Variants in FRMPD1 observed in about 807,000 individuals in gnomAD.
FRMPD1 encodes the protein FERM and PDZ domain-containing protein 1.
A neutral mutation model predicts 117.8 loss-of-function variants in FRMPD1; 76 were observed. That is an observed-to-expected ratio of 0.65 (90% CI 0.54 to 0.78). The LOEUF (loss-of-function observed/expected upper bound fraction) is 0.78, where lower values mean the gene tolerates loss of function less well. FRMPD1 is among the 30% of genes least tolerant of loss of function. The pLI is 0.00. For missense variants in FRMPD1, 1,786 were observed against 1,964.5 expected (o/e 0.91, Z 1.72); for synonymous variants, 783 against 770.4 (o/e 1.02, Z -0.27).
the FRMPD1 span, among the ~76,000 whole-genome samples, chr9:37,638,006 T>TTCTCTCTC: frequency 4.0e-5 from 5 of 125,928 alleles, no homozygotes; most frequent in Admixed American, 8.6e-5. Context: ...CTTTCTTTCT[T>TTCTCTCTC]TCTTTCTTTC....
Position 37,745,337 on chromosome 9 carries a change from A to G in FRMPD1, c.3305A>G (p.Glu1102Gly). The G allele has an allele frequency of 1.2e-6, 2 of 1,613,124 alleles. No homozygotes were observed. The highest frequency in any genetic ancestry group is 1.7e-6 in the Non-Finnish European group (2 of 1,179,030). Residue 1102 changes from glutamate to glycine, a missense_variant, in exon 16 of 16, where the codon GAA (glutamate) becomes GGA (glycine). Transcript: ENST00000377765. ...AAGATAGCTTCTATCCCTACAAAGG[A>G]AGAGCCACAAGGACAACTATCTCTG... ...GEKIASIPTK[E>G]EPQGQLSLER...
intron 13 of FRMPD1, 83 bp from the exon 14 acceptor site, chr9:37,737,013 G>A (rs528950265): frequency 1.2e-4 from 121 of 1,046,654 alleles, no homozygotes; most frequent in African/African-American, 8.7e-4. Context: ...GGAATCTCTC[G>A]TTGGTCCCAC....
intron 2 of FRMPD1, among the ~76,000 whole-genome samples, chr9:37,705,821 C>T (rs1270073287): frequency 6.6e-6 from 1 of 151,588 alleles, no homozygotes; most frequent in African/African-American, 2.4e-5. Context: ...ACTAAAAATA[C>T]AAAAAATTAA....
chr9:37,670,623 G>A (rs1032922545), intron 1 of FRMPD1, among the ~76,000 whole-genome samples: 1 of 152,196 alleles, frequency 6.6e-6, no homozygotes, highest in Non-Finnish European at 1.5e-5. Flanking sequence ...AAATGGAGAA[G>A]GATCTTCAAA....
chr9:37,649,091 G>C (rs1259849627), upstream of FRMPD1, among the ~76,000 whole-genome samples: 1 of 152,098 alleles, frequency 6.6e-6, no homozygotes, highest in Non-Finnish European at 1.5e-5. Context: ...GGAAATGGAG[G>C]GGGACAGGGC....
In FRMPD1 at chr9:37,744,995, A is replaced by G. The variant is rs1166029243; in HGVS notation, c.2963A>G (p.Gln988Arg). The change falls in exon 16 of 16, where the codon CAA (glutamine) becomes CGA (arginine). Residue 988 changes from glutamine (Q) to arginine (R), a missense_variant. Physicochemically the swap from Gln to Arg is conservative, Grantham distance 43. Coordinates refer to ENST00000377765, the MANE Select transcript of FRMPD1 (RefSeq NM_014907.3). ...GATACTGCTCAGGCAAGGCCTTCCCAAATCTTACCTCTATCTCAAGACCTG... is the reference window on the plus strand; with the variant it reads ...GATACTGCTCAGGCAAGGCCTTCCCGAATCTTACCTCTATCTCAAGACCTG... ...GPDTAQARPS[Q>R]ILPLSQDLDG... 1 of 1,614,056 alleles carries G rather than the reference A, an allele frequency of 6.2e-7. No individual in the cohort carries two copies. Among genetic ancestry groups the G allele is most frequent in the African/African-American group, 1.3e-5 (1 of 74,918 alleles).
At chr9:37,710,327 A>G (rs1170311152) in intron 4 of FRMPD1, among the ~76,000 whole-genome samples, 2 of 152,218 alleles carry the variant, frequency 1.3e-5, no homozygotes, top group Non-Finnish European at 2.9e-5. Flanking sequence ...GTCAAATGAA[A>G]TTATTTTGCC....
At chr9:37,679,610 G>A (rs943011345) in intron 1 of FRMPD1, among the ~76,000 whole-genome samples, 2 of 152,210 alleles carry the variant, frequency 1.3e-5, no homozygotes, top group Admixed American at 6.5e-5. Context: ...ATATGAATGG[G>A]ATCATAGAAT....
At chr9:37,606,912 C>A in the FRMPD1 span, among the ~76,000 whole-genome samples, 1 of 152,058 alleles carries the variant, frequency 6.6e-6, no homozygotes, top group African/African-American at 2.4e-5. Flanking sequence ...GGCTATGAGA[C>A]CCTGAGGGGT....
chr9:37,718,806 CAGA>C (rs2118251803), intron 5 of FRMPD1, among the ~76,000 whole-genome samples: 1 of 152,312 alleles, frequency 6.6e-6, no homozygotes, highest in South Asian at 2.1e-4. Flanking sequence ...ATTCACAGGC[CAGA>C]ACTCTTTGTC....
intron 6 of FRMPD1, among the ~76,000 whole-genome samples, chr9:37,723,289 A>C (rs1684507848): frequency 6.6e-6 from 1 of 152,204 alleles, no homozygotes; most frequent in South Asian, 2.1e-4. Context: ...TACAGCCAGC[A>C]GTAAAACGTG....
chr9:37,667,517 T>TAAA (rs57309285), intron 1 of FRMPD1, among the ~76,000 whole-genome samples: 1 of 143,540 alleles, frequency 7.0e-6, no homozygotes. Context: ...TACTAAAAAT[T>TAAA]AAAAAAAAAA....
chr9:37,687,758 A>C, intron 1 of FRMPD1, among the ~76,000 whole-genome samples: 1 of 152,250 alleles, frequency 6.6e-6, no homozygotes, highest in East Asian at 1.9e-4. Flanking sequence ...GCAGAAAAAT[A>C]AGGAAAAATC....
chr9:37,745,634 T>C lies in FRMPD1; in HGVS notation c.3602T>C (p.Phe1201Ser). Residue 1201 changes from phenylalanine (F) to serine (S), a missense_variant, in exon 16 of 16, where the codon TTC (phenylalanine) becomes TCC (serine). Phe to Ser is a radical substitution (Grantham distance 155). Transcript: ENST00000377765. ...TGCCAGGCTCAAGAACAAAAACTAT[T>C]CGTAGAGTTGGATTTAGACCCTGAT... ...QGCQAQEQKLFVELDLDPDFF... is the reference protein window; with the variant it reads ...QGCQAQEQKLSVELDLDPDFF... 6.2e-7 allele frequency: 1 copy of C among 1,614,138 alleles called. No homozygotes were observed. The highest frequency in any genetic ancestry group is 8.5e-7 in the Non-Finnish European group (1 of 1,180,014).
rs749222899 is a variant in FRMPD1, at chr9:37,746,781, G to A, written c.*12G>A. 12 of 1,593,532 alleles carry A rather than the reference G, an allele frequency of 7.5e-6. No individual in the cohort carries two copies. The Admixed American group carries it at 1.2e-4, about 16-fold the overall frequency. On this transcript the variant is annotated 3_prime_UTR_variant, in exon 16 of 16. Transcript: ENST00000377765. Reference sequence around the variant, plus strand: ...CCACGGCCCTGTAAACAGGTCAACGGCCCAAGGGCCTCCTGCCCTGTCCTG... The same window carrying A: ...CCACGGCCCTGTAAACAGGTCAACGACCCAAGGGCCTCCTGCCCTGTCCTG...
chr9:37,634,816 T>C, the FRMPD1 span, among the ~76,000 whole-genome samples: 1 of 151,994 alleles, frequency 6.6e-6, no homozygotes, highest in Middle Eastern at 3.4e-3. Flanking sequence ...GTGTGTTACA[T>C]AGGTATACGT....
chr9:37,743,625 C>T (rs1049005462), intron 15 of FRMPD1, among the ~76,000 whole-genome samples: 11 of 140,230 alleles, frequency 7.8e-5, no homozygotes, highest in African/African-American at 1.1e-4. Flanking sequence ...AGAGCATCTT[C>T]GTGAACAGTT....
chr9:37,622,736 A>G, the FRMPD1 span, among the ~76,000 whole-genome samples: 1 of 152,234 alleles, frequency 6.6e-6, no homozygotes. Flanking sequence ...TCTAAATTCA[A>G]TCACCCCAAA....
chr9:37,720,190 G>T (rs189297541), intron 6 of FRMPD1, among the ~76,000 whole-genome samples: 884 of 152,352 alleles, frequency 5.8e-3, no homozygotes, highest in Non-Finnish European at 0.01. Flanking sequence ...TCAGGAAGGG[G>T]CCAGTGGGAG....
Sources: gnomAD v4.1 joint callset for allele counts (sites outside exome capture counted in the v4.1 genomes callset) on GRCh38, gnomAD v4.1.1 for gene constraint, MANE v1.5 for transcripts, NCBI Gene and HGNC (gene_info 2026-07-23, HGNC 2026-07-21) for gene names.